The following ANKRD40 variants were observed in gnomAD, a reference collection of about 807,000 sequenced individuals.
ANKRD40 encodes the protein ankyrin repeat domain-containing protein 40.
A neutral mutation model predicts 35.5 loss-of-function variants in ANKRD40; 24 were observed. The ratio of observed to expected loss-of-function variants is 0.68; its 90% CI spans 0.49 to 0.95. ANKRD40 has a LOEUF of 0.95. Ranked by LOEUF, ANKRD40 falls within the 40% of genes least tolerant of loss-of-function variation. The pLI is 0.00. For synonymous variants in ANKRD40, 147 were observed against 173.5 expected, an observed-to-expected ratio of 0.85 and a Z score of 1.20; for missense variants, 361 against 436.0, an observed-to-expected ratio of 0.83 and a Z score of 1.53.
intron 1 of ANKRD40, among the ~76,000 whole-genome samples, chr17:50,703,516 CAAG>C (rs1301960172): frequency 6.6e-6 from 1 of 152,150 alleles, no homozygotes. Context: ...AAAGCCTTGC[CAAG>C]AAGGTGACAT....
intron 1 of ANKRD40, among the ~76,000 whole-genome samples, chr17:50,705,660 CTTTTTTT>C (rs901114991): frequency 7.9e-6 from 1 of 127,184 alleles, no homozygotes; most frequent in Admixed American, 8.0e-5. Context: ...GGAAGATAGA[CTTTTTTT>C]TTTTTTTTTT....
rs756452773 is a variant in ANKRD40 at position 50,707,601 on chromosome 17, C to A, written c.54G>T (p.Ala18=). 4 of 1,603,916 alleles carry A rather than the reference C, an allele frequency of 2.5e-6. No homozygotes were observed. Among genetic ancestry groups the A allele is most frequent in the Non-Finnish European group, 3.4e-6 (4 of 1,175,364 alleles). The change falls in exon 1 of 5, where the codon GCG becomes GCT. Residue 18 remains alanine (A), a synonymous_variant. Transcript: ENST00000285243. This position sits in a 1 kb window ranked among gnomAD's most constrained non-coding sequence, Gnocchi z 4.8. The part of the protein sequence containing the change: ...KEQQERLREA[A]ALGDIREVQK... ...GCACCTCCCGAATGTCCCCTAAGGC[C>A]GCGGCCTCCCGCAGCCTCTCCTGCT...
At chr17:50,706,958 CAA>C (rs1968348264) in intron 1 of ANKRD40, among the ~76,000 whole-genome samples, 1 of 87,216 alleles carries the variant, frequency 1.1e-5, no homozygotes, top group Admixed American at 1.2e-4. Flanking sequence ...ATAGGATAAA[CAA>C]ATGAGTTTTC....
rs1468644419 is a variant in ANKRD40 at position 50,700,648 on chromosome 17, G to C, written c.203C>G (p.Ala68Gly). Reference protein sequence around the residue: ...QVVSYLLKSGADKEILTTKGE... With the variant: ...QVVSYLLKSGGDKEILTTKGE... ...TTTTGTGGTAAGAATTTCTTTGTCA[G>C]CTCCTGATTTTAACAGGTAAGAGAC... Residue 68 changes from alanine to glycine, a missense_variant, in exon 2 of 5, where the codon GCT (alanine) becomes GGT (glycine). This residue lies in a region of ANKRD40 where 35 missense variants were observed against 68.4 expected (regional missense o/e 0.51). Transcript: ENST00000285243. 2 of 1,613,870 alleles carry C rather than the reference G, an allele frequency of 1.2e-6. No homozygotes were observed. The highest frequency in any genetic ancestry group is 1.3e-5 in the African/African-American group (1 of 74,860).
At chr17:50,696,248 A>G (rs1597866351) in intron 4 of ANKRD40, 105 bp from the exon 5 acceptor site, 1 of 319,742 alleles carries the variant, frequency 3.1e-6, no homozygotes, top group Non-Finnish European at 4.4e-6. Flanking sequence ...AACCTAGAAG[A>G]AAAAAAAAAA....
In ANKRD40 at chr17:50,707,480, C is replaced by A. The variant is rs1247565932; in HGVS notation, c.134+41G>T. The A allele has an allele frequency of 6.3e-7, 1 of 1,587,242 alleles. No individual in the cohort carries two copies. Among genetic ancestry groups the A allele is most frequent in the South Asian group, 1.1e-5 (1 of 89,540 alleles). On this transcript the variant is annotated intron_variant, in intron 1 of 4. Transcript: ENST00000285243. This position sits in a 1 kb window ranked among gnomAD's most constrained non-coding sequence, Gnocchi z 4.8. ...CGACTGACTGCCCCACGCCTTCCGA[C>A]CGGCTGCCCTGACCCTAGGCCTCCC...
intron 1 of ANKRD40, among the ~76,000 whole-genome samples, chr17:50,703,398 C>T (rs1968291935): frequency 1.3e-5 from 2 of 151,986 alleles, no homozygotes; most frequent in South Asian, 4.1e-4. Flanking sequence ...GCACGCAGTA[C>T]GCTAGGTGGT....
intron 3 of ANKRD40, among the ~76,000 whole-genome samples, chr17:50,698,626 G>T (rs920578888): frequency 6.6e-6 from 1 of 152,152 alleles, no homozygotes; most frequent in African/African-American, 2.4e-5. Flanking sequence ...ATCCTGGGCA[G>T]GATGCAGGGG....
chr17:50,707,753 G>T lies in ANKRD40; in HGVS notation c.-99C>A. 3.3e-6 allele frequency: 3 copies of T among 909,894 alleles called. No individual in the cohort carries two copies. The highest frequency in any genetic ancestry group is 4.4e-4 in the Middle Eastern group (1 of 2,250). 56.4% of individuals were successfully genotyped at this position (909,894 alleles called of 1,614,324 possible). A position where few individuals can be genotyped will look rare whatever the true frequency, so the allele number is the denominator to read the frequency against. On this transcript the variant is annotated 5_prime_UTR_variant, in exon 1 of 5. Coordinates refer to ENST00000285243, the MANE Select transcript of ANKRD40 (RefSeq NM_052855.4). This position sits in a 1 kb window ranked among gnomAD's most constrained non-coding sequence, Gnocchi z 4.8. Reference sequence around the variant, plus strand: ...TCGCCGCGGCCCGCTCCCGGCCATGGGGAGGGAGCGCGGAACTCGCCCGCC... The same window carrying T: ...TCGCCGCGGCCCGCTCCCGGCCATGTGGAGGGAGCGCGGAACTCGCCCGCC...
At position 50,699,671 on chromosome 17, in the gene ANKRD40, G is replaced by A; in HGVS notation, c.506C>T (p.Pro169Leu). Residue 169 changes from proline (P) to leucine (L), a missense_variant, in exon 3 of 5, where the codon CCT (proline) becomes CTT (leucine). Around this residue, in one of 5 missense-constraint regions of ANKRD40, gnomAD observed 172 missense variants for 174.0 expected, o/e 0.99. Transcript: ENST00000285243. ...GSPPLLPPGE[P>L]PLLGTFPRDH... ...CCGGGGAAAGGTCCCTAACAGGGGA[G>A]GTTCCCCAGGGGGAAGCAATGGAGG... 3.7e-6 allele frequency: 6 copies of A among 1,614,228 alleles called. No individual in the cohort carries two copies. Among genetic ancestry groups the A allele is most frequent in the South Asian group, 3.3e-5 (3 of 91,082 alleles).
intron 1 of ANKRD40, among the ~76,000 whole-genome samples, chr17:50,701,394 T>TA (rs1485941551): frequency 5.9e-5 from 9 of 152,160 alleles, no homozygotes; most frequent in Non-Finnish European, 7.4e-5. Flanking sequence ...CTGAGGTACT[T>TA]AAAAAATATA....
Position 50,696,985 on chromosome 17 carries a change from A to C in ANKRD40, c.915T>G (p.Asp305Glu). ...GTAACTTTCTGATCTTCTCCACTTG[A>C]TCTGGATTAACACCCAGCTCACAGC... Reference protein sequence around the residue: ...VCCCELGVNPDQVEKIRKLPN... With the variant: ...VCCCELGVNPEQVEKIRKLPN... Residue 305 changes from aspartate (D) to glutamate (E), a missense_variant, in exon 4 of 5, where the codon GAT becomes GAG. Around this residue, in one of 5 missense-constraint regions of ANKRD40, gnomAD observed 93 missense variants for 129.6 expected, o/e 0.72. Coordinates refer to ENST00000285243, the MANE Select transcript of ANKRD40 (RefSeq NM_052855.4). 6.2e-7 allele frequency: 1 copy of C among 1,613,240 alleles called. No individual in the cohort carries two copies. The highest frequency in any genetic ancestry group is 1.1e-5 in the South Asian group (1 of 90,914).
intron 3 of ANKRD40, among the ~76,000 whole-genome samples, chr17:50,698,985 C>CAAAAAAAAAAAAA (rs5820829): frequency 4.3e-5 from 3 of 69,552 alleles, no homozygotes; most frequent in Admixed American, 1.8e-4. Flanking sequence ...ACTAAAAATA[C>CAAAAAAAAAAAAA]AAAAAAAAAA....
At chr17:50,703,519 G>A (rs1403167033) in intron 1 of ANKRD40, among the ~76,000 whole-genome samples, 1 of 152,190 alleles carries the variant, frequency 6.6e-6, no homozygotes, top group African/African-American at 2.4e-5. Context: ...GCCTTGCCAA[G>A]AAGGTGACAT....
intron 2 of ANKRD40, 177 bp downstream of exon 2, chr17:50,700,391 C>T (rs985942908): frequency 1.0e-5 from 6 of 587,984 alleles, no homozygotes; most frequent in South Asian, 8.4e-5. Flanking sequence ...TGTGGTGAGC[C>T]GAGATCACGC....
intron 1 of ANKRD40, among the ~76,000 whole-genome samples, chr17:50,704,843 G>A (rs1359948331): frequency 2.0e-5 from 3 of 152,254 alleles, no homozygotes; most frequent in South Asian, 4.1e-4. Context: ...GGCCGGGCAC[G>A]GTGGCTCACG....
Position 50,707,799 on chromosome 17 carries a change from G to T in ANKRD40, c.-145C>A. ...CCGCCCTGCTCGCGCCGCTGCCCGC[G>T]CCCGCCCCGGGACTTCCGCTCCCTC... is the stretch of plus-strand genomic sequence containing the variant. On this transcript the variant is annotated 5_prime_UTR_variant, in exon 1 of 5. Transcript: ENST00000285243. The surrounding 1 kb of genome is among the most constrained non-coding windows in gnomAD (Gnocchi z 4.8). 2.2e-6 allele frequency: 1 copy of T among 449,750 alleles called. No individual in the cohort carries two copies. The highest frequency in any genetic ancestry group is 3.0e-6 in the Non-Finnish European group (1 of 333,672). 27.9% of individuals were successfully genotyped at this position (449,750 alleles called of 1,614,324 possible).
chr17:50,702,231 C>A (rs1040986623), intron 1 of ANKRD40, among the ~76,000 whole-genome samples: 2 of 152,032 alleles, frequency 1.3e-5, no homozygotes, highest in African/African-American at 4.8e-5. Flanking sequence ...AGGGTGAAAC[C>A]CCATCTCTAC....
In ANKRD40 at chr17:50,695,753, A is replaced by G. The variant is rs1968193097; in HGVS notation, c.*244T>C. On this transcript the variant is annotated 3_prime_UTR_variant, in exon 5 of 5. Coordinates refer to ENST00000285243, the MANE Select transcript of ANKRD40 (RefSeq NM_052855.4). The stretch of plus-strand genomic sequence containing the variant: ...TAGAACCTTCAGCTTCTGCCTCTCC[A>G]GACCACTTCTCAGCTGTTCAAAGCT... 1 of 408,990 alleles carries G rather than the reference A, an allele frequency of 2.4e-6. No homozygotes were observed. The allele number at this position is 408,990 out of a possible 1,614,324, so 25.3% of individuals were successfully genotyped here. A position where few individuals can be genotyped will look rare whatever the true frequency, so the allele number is the denominator to read the frequency against.
Sources: gnomAD v4.1 joint callset for allele counts (sites outside exome capture counted in the v4.1 genomes callset) on GRCh38, gnomAD v4.1.1 for gene constraint, gnomAD v4.1.1 regional missense constraint, Gnocchi (gnomAD v3.1) non-coding constraint, MANE v1.5 for transcripts, NCBI Gene and HGNC (gene_info 2026-07-23, HGNC 2026-07-21) for gene names.